The following ECI2 variants were observed in gnomAD, a reference collection of about 807,000 sequenced individuals.
ECI2 encodes D3,D2-enoyl-CoA isomerase.
ECI2 carries 27 observed loss-of-function variants against 38.4 expected under a neutral mutation model. That is an observed-to-expected ratio of 0.70 (90% CI 0.52 to 0.97). The LOEUF is 0.97. Ranked by LOEUF, ECI2 falls within the 50% of genes least tolerant of loss-of-function variation. ECI2 has a pLI of 0.00. For synonymous variants in ECI2, 168 were observed against 172.0 expected (o/e 0.98, Z 0.18); for missense variants, 470 against 474.4 (o/e 0.99, Z 0.09).
chr6:4,130,965 CA>C (rs1773479749), intron 2 of ECI2, 100 bp from the exon 3 acceptor site: 2 of 1,089,380 alleles, frequency 1.8e-6, no homozygotes, highest in South Asian at 3.1e-5. Flanking sequence ...ATGCCTCCCC[CA>C]AATCCTTTCA....
Position 4,117,358 on chromosome 6 carries a change from G to A in ECI2, c.979C>T (p.Gln327Ter). The change falls in exon 9 of 10, where the codon CAG (glutamine) becomes TAG (stop). Residue 327 changes from glutamine to a stop codon, truncating the protein, a stop_gained. Transcript: ENST00000380118. LOFTEE classifies it low-confidence loss of function (END_TRUNC). The part of the protein sequence containing the change: ...VTEVFPDSTF[Q>*]KEVWTRLKAF... ...TTCAGCCTGGTCCAGACTTCTTTCTGAAAAGTGCTATCAGGGAAAACTTCA... is the reference window on the plus strand; with the variant it reads ...TTCAGCCTGGTCCAGACTTCTTTCTAAAAAGTGCTATCAGGGAAAACTTCA... The A allele has an allele frequency of 6.2e-7, 1 of 1,613,916 alleles. No homozygotes were observed. Among genetic ancestry groups the A allele is most frequent in the East Asian group, 2.2e-5 (1 of 44,868 alleles).
chr6:4,135,188 G>A, intron 1 of ECI2: 1 of 662,286 alleles, frequency 1.5e-6, no homozygotes, highest in East Asian at 3.5e-5. Context: ...GTGCTCAGCT[G>A]GGGCGGCTCA....
intron 1 of ECI2, among the ~76,000 whole-genome samples, chr6:4,134,090 G>T (rs1011086298): frequency 2.6e-5 from 4 of 152,204 alleles, no homozygotes; most frequent in African/African-American, 9.7e-5. Context: ...TTAGTGAAGT[G>T]TCCCAAAGTC....
intron 7 of ECI2, among the ~76,000 whole-genome samples, chr6:4,121,204 T>C (rs935462420): frequency 5.9e-5 from 9 of 152,258 alleles, no homozygotes; most frequent in African/African-American, 2.2e-4. Context: ...TAACCATTAA[T>C]GGTATTAAGT....
intron 4 of ECI2, among the ~76,000 whole-genome samples, chr6:4,128,875 C>A (rs1773344274): frequency 6.6e-6 from 1 of 152,164 alleles, no homozygotes; most frequent in Non-Finnish European, 1.5e-5. Flanking sequence ...GTCCTGGAAC[C>A]AATCCCCATC....
intron 7 of ECI2, among the ~76,000 whole-genome samples, chr6:4,121,575 T>C (rs997960490): frequency 6.6e-6 from 1 of 152,180 alleles, no homozygotes; most frequent in African/African-American, 2.4e-5. Flanking sequence ...GTTACATGAG[T>C]TGAAAAATTG....
chr6:4,135,327 G>A (rs767797016), intron 1 of ECI2, 184 bp downstream of exon 1: 10 of 1,452,762 alleles, frequency 6.9e-6, no homozygotes, highest in Middle Eastern at 1.8e-4. Context: ...CGGGCCCAGC[G>A]GTGCAGGAGG....
intron 9 of ECI2, among the ~76,000 whole-genome samples, chr6:4,116,534 G>A (rs1234083684): frequency 9.3e-5 from 14 of 150,924 alleles, no homozygotes; most frequent in Admixed American, 1.3e-4. Flanking sequence ...TCTGCCTCCC[G>A]GGTTCAAGCA....
rs540204706 is a variant in ECI2 at position 4,133,688 on chromosome 6, G to C, written c.74C>G (p.Pro25Arg). 14 of 1,611,262 alleles carry C rather than the reference G, an allele frequency of 8.7e-6. No individual in the cohort carries two copies. The African/African-American group carries it at 1.7e-4, about 20-fold the overall frequency. The change falls in exon 2 of 10, where the codon CCG becomes CGG. Residue 25 changes from proline to arginine, a missense_variant. Physicochemically the swap from Pro to Arg is moderately radical, Grantham distance 103. Coordinates refer to ENST00000380118, the MANE Select transcript of ECI2 (RefSeq NM_206836.3). The part of the protein sequence containing the change: ...CPSSLQVTSF[P>R]VVQLHMNRTA... ...TCTATTCATGTGCAGCTGAACTACC[G>C]GGAAACTAGTGACCTGCAGAGAACT...
intron 8 of ECI2, chr6:4,118,347 A>G (rs1265628166): frequency 6.6e-6 from 1 of 152,396 alleles, no homozygotes; most frequent in African/African-American, 2.4e-5. Context: ...ATGCTCTAAT[A>G]GCCAAATGCT....
At chr6:4,130,727 G>T (rs777962016) in intron 3 of ECI2, 40 bp downstream of exon 3, 1 of 1,610,666 alleles carries the variant, frequency 6.2e-7, no homozygotes, top group East Asian at 2.2e-5. Flanking sequence ...AACTTCTTTA[G>T]AAGTACAGCA....
At chr6:4,117,609 G>T in intron 8 of ECI2, 158 bp from the exon 9 acceptor site, 1 of 942,830 alleles carries the variant, frequency 1.1e-6, no homozygotes, top group Non-Finnish European at 1.5e-6. Context: ...ATAGGCAACG[G>T]TTTGCAAACT....
At chr6:4,117,171 A>C in intron 9 of ECI2, 137 bp downstream of exon 9, 1 of 1,109,550 alleles carries the variant, frequency 9.0e-7, no homozygotes, top group Non-Finnish European at 1.2e-6. Flanking sequence ...GTTATTTTTT[A>C]ATTCCAAATT....
rs767262439 is a variant in ECI2, at chr6:4,135,564, T to C, written c.-4A>G. 6 of 1,562,204 alleles carry C rather than the reference T, an allele frequency of 3.8e-6. No homozygotes were observed. Among genetic ancestry groups the C allele is most frequent in the Non-Finnish European group, 5.2e-6 (6 of 1,152,442 alleles). On this transcript the variant is annotated 5_prime_UTR_variant, in exon 1 of 10. Coordinates refer to ENST00000380118, the MANE Select transcript of ECI2 (RefSeq NM_206836.3). ...AAGCCAAGTACGCCATCGCCATCCC[T>C]TGGGCGGCTCTAGGGCTGCGGGGGC...
At chr6:4,131,312 C>T (rs1773498679) in intron 2 of ECI2, among the ~76,000 whole-genome samples, 1 of 151,954 alleles carries the variant, frequency 6.6e-6, no homozygotes. Context: ...CTTTTGGTAC[C>T]TGGGTAACAA....
intron 4 of ECI2, among the ~76,000 whole-genome samples, chr6:4,129,316 G>C (rs891868001): frequency 3.9e-5 from 6 of 152,138 alleles, no homozygotes; most frequent in African/African-American, 1.4e-4. Flanking sequence ...GTTTCACCAT[G>C]TTGGCCAGGC....
intron 7 of ECI2, among the ~76,000 whole-genome samples, chr6:4,119,510 G>A (rs767869837): frequency 3.3e-5 from 5 of 152,018 alleles, no homozygotes; most frequent in South Asian, 2.1e-4. Flanking sequence ...TCGTAGAGAC[G>A]GGGTTTCGCC....
At chr6:4,117,078 T>A (rs1340452791) in intron 9 of ECI2, among the ~76,000 whole-genome samples, 1 of 135,106 alleles carries the variant, frequency 7.4e-6, no homozygotes, top group African/African-American at 2.8e-5. Context: ...CCATACAGAA[T>A]TGCCCTCTGT....
chr6:4,121,693 GTT>G (rs3838251), intron 7 of ECI2, among the ~76,000 whole-genome samples: 9,339 of 139,180 alleles, frequency 0.067, 644 homozygotes, highest in East Asian at 0.36. Flanking sequence ...GTCATTTTTA[GTT>G]TTTTTTTTTT....
Sources: allele counts gnomAD v4.1 joint callset (sites outside exome capture counted in the v4.1 genomes callset), GRCh38; gene constraint gnomAD v4.1.1; transcripts MANE v1.5; gene names NCBI Gene and HGNC (gene_info 2026-07-23, HGNC 2026-07-21).